NPAS3: variants seen among roughly 807,000 people sequenced by gnomAD.
NPAS3 encodes neuronal PAS domain-containing protein 3.
Under a neutral mutation model 73.1 loss-of-function variants are expected in NPAS3, and 14 were observed. That is an observed-to-expected ratio of 0.19 (90% confidence interval 0.13 to 0.30). The LOEUF is 0.30. NPAS3 is among the 10% of genes least tolerant of loss of function. The probability of loss-of-function intolerance (pLI) is 1.00; values close to 1 mark genes in which losing one functional copy is unlikely to be tolerated. For missense variants in NPAS3, 1,096 were observed against 1,250.0 expected (o/e 0.88, Z 1.86); for synonymous variants, 620 against 541.5 (o/e 1.14, Z -2.01).
At chr14:33,753,990 G>A (rs2062039328) in intron 7 of NPAS3, among the ~76,000 whole-genome samples, 3 of 152,138 alleles carry the variant, frequency 2.0e-5, no homozygotes, top group Admixed American at 2.0e-4. Flanking sequence ...TCAGATGGTT[G>A]TAAAGAGGAA....
chr14:33,029,374 CTT>C (rs1337094974), intron 1 of NPAS3, among the ~76,000 whole-genome samples: 1 of 151,998 alleles, frequency 6.6e-6, no homozygotes, highest in Non-Finnish European at 1.5e-5. Context: ...TGAAGGGAGA[CTT>C]TGATCAAAAG....
chr14:33,688,627 C>A (rs1003286716), intron 6 of NPAS3, among the ~76,000 whole-genome samples: 3 of 152,160 alleles, frequency 2.0e-5, no homozygotes, highest in African/African-American at 7.2e-5. Flanking sequence ...GTACTTCAAG[C>A]TTTCCCAAAA....
intron 3 of NPAS3, among the ~76,000 whole-genome samples, chr14:33,230,480 A>C (rs1340129347): frequency 1.3e-5 from 2 of 152,226 alleles, no homozygotes; most frequent in African/African-American, 4.8e-5. Context: ...CAGAGGATAA[A>C]ATCTGATAGA....
intron 4 of NPAS3, among the ~76,000 whole-genome samples, chr14:33,462,617 C>A (rs11848955): frequency 0.021 from 3,204 of 152,184 alleles, 111 homozygotes; most frequent in African/African-American, 0.072. Context: ...ATTTTTTAAA[C>A]CACTCATAAT....
intron 4 of NPAS3, among the ~76,000 whole-genome samples, chr14:33,384,854 A>C (rs2046708832): frequency 6.6e-6 from 1 of 152,188 alleles, no homozygotes; most frequent in Non-Finnish European, 1.5e-5. Context: ...AATCTAGTTG[A>C]TGAAGTTTGT....
chr14:33,524,741 A>G (rs967018344), intron 4 of NPAS3, among the ~76,000 whole-genome samples: 12 of 152,024 alleles, frequency 7.9e-5, no homozygotes, highest in Non-Finnish European at 1.5e-4. Flanking sequence ...CTTCTGAGGG[A>G]TGTGAGGGAG....
At chr14:33,310,790 T>TACACACACACAC (rs57506320) in intron 3 of NPAS3, among the ~76,000 whole-genome samples, 9 of 142,256 alleles carry the variant, frequency 6.3e-5, no homozygotes, top group East Asian at 2.2e-4. Flanking sequence ...AAATGTATGG[T>TACACACACACAC]ACACACACAC....
chr14:33,410,604 C>A (rs2047879050), intron 4 of NPAS3, among the ~76,000 whole-genome samples: 1 of 152,176 alleles, frequency 6.6e-6, no homozygotes, highest in Non-Finnish European at 1.5e-5. Flanking sequence ...CAGATCATCA[C>A]AAAAATGTGT....
intron 2 of NPAS3, among the ~76,000 whole-genome samples, chr14:33,207,674 C>A (rs1438141091): frequency 6.6e-6 from 1 of 152,150 alleles, no homozygotes; most frequent in Non-Finnish European, 1.5e-5. Context: ...GGACAATGCT[C>A]TCAGACAGAA....
At position 33,605,393 on chromosome 14, in the gene NPAS3, TA is replaced by T. The variant is rs57109563; in HGVS notation, c.558+45200del. Among the ~76,000 whole-genome samples the T allele has an allele frequency of 7.1e-3, 982 of 137,358 alleles. 6 individuals are homozygous for T. Among genetic ancestry groups the T allele is most frequent in the South Asian group, 0.025 (110 of 4,350 alleles). The allele number at this position is 137,358 out of a possible 152,430, so 90.1% of individuals were successfully genotyped here. ...GAGAAGAGATAAAAGGCATTCAAAT[TA>T]AAAAAAAAAAAAAAAACACAAACCT... On this transcript the variant is annotated intron_variant, in intron 5 of 11. Coordinates refer to ENST00000356141, the Ensembl canonical transcript of NPAS3.
rs372069433 is a variant in NPAS3, at chr14:33,748,813, C to T, written c.852+13481C>T. Among the ~76,000 whole-genome samples, 27 of 152,294 alleles carry T rather than the reference C, an allele frequency of 1.8e-4. 3 individuals are homozygous for T. The East Asian group carries it at 3.5e-3, about 20-fold the overall frequency. On this transcript the variant is annotated intron_variant, in intron 7 of 11. Coordinates refer to ENST00000356141, the Ensembl canonical transcript of NPAS3. The stretch of plus-strand genomic sequence containing the variant: ...CATTAGTGCTTTAGCCCCTTTGAGA[C>T]ATTCTGGGTAAAATGGAATAGAGGA...
chr14:33,667,249 C>G (rs2059478449), intron 5 of NPAS3, among the ~76,000 whole-genome samples: 1 of 152,194 alleles, frequency 6.6e-6, no homozygotes, highest in South Asian at 2.1e-4. Flanking sequence ...TCGTGCCTTC[C>G]ATATGGGGCA....
At chr14:33,678,012 C>T (rs570993462) in intron 6 of NPAS3, among the ~76,000 whole-genome samples, 26 of 152,260 alleles carry the variant, frequency 1.7e-4, no homozygotes, top group Admixed American at 3.3e-4. Context: ...GACTCAAACA[C>T]GCAGCATGAA....
intron 6 of NPAS3, among the ~76,000 whole-genome samples, chr14:33,697,339 G>T (rs1393872125): frequency 1.3e-5 from 2 of 152,204 alleles, no homozygotes; most frequent in East Asian, 3.8e-4. Context: ...TAACAGAGAA[G>T]AATATCATCC....
At chr14:32,947,487 T>C (rs548049727) in intron 1 of NPAS3, among the ~76,000 whole-genome samples, 2 of 152,302 alleles carry the variant, frequency 1.3e-5, no homozygotes, top group South Asian at 4.1e-4. Flanking sequence ...CAGAATCCAC[T>C]TCTAAAAACA....
At chr14:33,780,261 C>G (rs2062938755) in intron 9 of NPAS3, among the ~76,000 whole-genome samples, 1 of 152,028 alleles carries the variant, frequency 6.6e-6, no homozygotes, top group African/African-American at 2.4e-5. Context: ...TGTTGTGTAT[C>G]GTAGAAGCAG....
intron 2 of NPAS3, among the ~76,000 whole-genome samples, chr14:33,133,833 G>A (rs993782938): frequency 6.6e-6 from 1 of 152,142 alleles, no homozygotes; most frequent in Admixed American, 6.6e-5. Context: ...AAGGGGAGAA[G>A]CCACGGGCAT....
chr14:33,342,671 A>G (rs1175176760), intron 3 of NPAS3, among the ~76,000 whole-genome samples: 2 of 152,024 alleles, frequency 1.3e-5, no homozygotes, highest in African/African-American at 4.8e-5. Context: ...TTGACCTGAC[A>G]TTTCCATTGT....
intron 5 of NPAS3, among the ~76,000 whole-genome samples, chr14:33,630,730 C>G (rs1017775231): frequency 6.6e-6 from 1 of 152,006 alleles, no homozygotes. Context: ...CAATATATGC[C>G]CCCCCAGGAT....
Sources: gnomAD v4.1 joint callset for allele counts (sites outside exome capture counted in the v4.1 genomes callset) on GRCh38, gnomAD v4.1.1 for gene constraint, MANE v1.5 for transcripts, NCBI Gene and HGNC (gene_info 2026-07-23, HGNC 2026-07-21) for gene names.